PRKAG2: variants seen among roughly 807,000 people sequenced by gnomAD.
PRKAG2 encodes 5'-AMP-activated protein kinase subunit gamma-2.
In PRKAG2, 26 loss-of-function variants were observed where a neutral mutation model predicts 69.6. The ratio of observed to expected loss-of-function variants is 0.37; its 90% CI spans 0.27 to 0.52. The LOEUF is 0.52. Ranked by LOEUF, PRKAG2 falls within the 20% of genes least tolerant of loss-of-function variation. The pLI is 0.90. For missense variants in PRKAG2, 557 were observed against 740.0 expected (o/e 0.75, Z 2.87); for synonymous variants, 293 against 285.0 (o/e 1.03, Z -0.28).
rs1806560669 is a variant in PRKAG2, at chr7:151,567,618, AT to A, written c.1233+1097del. On this transcript the variant is annotated intron_variant, in intron 11 of 15. Coordinates refer to ENST00000287878, the MANE Select transcript of PRKAG2 (RefSeq NM_016203.4). This position sits in a 1 kb window ranked among gnomAD's most constrained non-coding sequence, Gnocchi z 4.2. Reference sequence around the variant, plus strand: ...GATAAACAATGCGGATGCATCCCTAATCCCTTTTTCCTAGATTATCGCCTTT... The same window carrying A: ...GATAAACAATGCGGATGCATCCCTAACCCTTTTTCCTAGATTATCGCCTTT... Among the ~76,000 whole-genome samples, 1 of 152,112 alleles carries A rather than the reference AT, an allele frequency of 6.6e-6. No homozygotes were observed. Among genetic ancestry groups the A allele is most frequent in the Non-Finnish European group, 1.5e-5 (1 of 68,020 alleles).
At chr7:151,659,816 G>A (rs1484020236) in intron 4 of PRKAG2, among the ~76,000 whole-genome samples, 1 of 152,248 alleles carries the variant, frequency 6.6e-6, no homozygotes, top group Non-Finnish European at 1.5e-5. Context: ...GCCTCTTGGA[G>A]GCTCCGCTAG....
rs2078586233 is a variant in PRKAG2 at position 151,814,658 on chromosome 7, G to A, written c.115-28117C>T. 1 of 1,231,834 alleles carries A rather than the reference G, an allele frequency of 8.1e-7. No individual in the cohort carries two copies. Among genetic ancestry groups the A allele is most frequent in the Non-Finnish European group, 1.0e-6 (1 of 988,016 alleles). The allele number at this position is 1,231,834 out of a possible 1,614,324, so 76.3% of individuals were successfully genotyped here. ...CCACTGCATGTCTGCAACAGATGGG[G>A]ACCGGGGCTGGGTGTGTTCCCAGTC... On this transcript the variant is annotated intron_variant, in intron 1 of 15. Coordinates refer to ENST00000287878, the MANE Select transcript of PRKAG2 (RefSeq NM_016203.4). The surrounding 1 kb of genome is among the most constrained non-coding windows in gnomAD (Gnocchi z 4.8).
At chr7:151,727,834 G>C (rs989961452) in intron 3 of PRKAG2, among the ~76,000 whole-genome samples, 1 of 152,182 alleles carries the variant, frequency 6.6e-6, no homozygotes, top group African/African-American at 2.4e-5. Flanking sequence ...ATTAGCTGAT[G>C]TGTCATCTCT....
At chr7:151,673,368 C>T (rs1832375806) in intron 4 of PRKAG2, among the ~76,000 whole-genome samples, 1 of 152,176 alleles carries the variant, frequency 6.6e-6, no homozygotes, top group Non-Finnish European at 1.5e-5. Context: ...CAGGCTCAGC[C>T]CAGCAGGTGA....
rs140426174 is a variant in PRKAG2, at chr7:151,592,180, G to A, written c.864+3165C>T. Among the ~76,000 whole-genome samples, 1,054 of 152,340 alleles carry A rather than the reference G, an allele frequency of 6.9e-3. 19 individuals are homozygous for A. Among genetic ancestry groups the A allele is most frequent in the African/African-American group, 0.024 (999 of 41,586 alleles). ...AGCTCCTTATGAGCCACTGACTGAT[G>A]GAGAAAAAGCTGGGCTTGGTTTACA... On this transcript the variant is annotated intron_variant, in intron 6 of 15. Transcript: ENST00000287878.
In PRKAG2 at chr7:151,845,041, C is replaced by G. The variant is rs75097174; in HGVS notation, c.114+31466G>C. 9.5e-3 allele frequency among the ~76,000 whole-genome samples: 1,426 copies of G among 150,414 alleles called. 22 individuals are homozygous for G. The highest frequency in any genetic ancestry group is 0.033 in the African/African-American group (1,313 of 39,826). The stretch of plus-strand genomic sequence containing the variant: ...GGGATGGCGGCAGGCAGCCTCCGCC[C>G]CGCACAAGGGTGCTGGGAGACATCT... On this transcript the variant is annotated intron_variant, in intron 1 of 15. Coordinates refer to ENST00000287878, the MANE Select transcript of PRKAG2 (RefSeq NM_016203.4).
rs2078558125 is a variant in PRKAG2, at chr7:151,814,019, G to A, written c.115-27478C>T. 6.6e-6 allele frequency among the ~76,000 whole-genome samples: 1 copy of A among 152,162 alleles called. No individual in the cohort carries two copies. The highest frequency in any genetic ancestry group is 2.4e-5 in the African/African-American group (1 of 41,446). Reference sequence around the variant, plus strand: ...TCGCTAAGATTTCAGCTCCAGTAAGGGAAGTTCAAGCCAGGGTGGGAAGGC... The same window carrying A: ...TCGCTAAGATTTCAGCTCCAGTAAGAGAAGTTCAAGCCAGGGTGGGAAGGC... On this transcript the variant is annotated intron_variant, in intron 1 of 15. Coordinates refer to ENST00000287878, the MANE Select transcript of PRKAG2 (RefSeq NM_016203.4). This position sits in a 1 kb window ranked among gnomAD's most constrained non-coding sequence, Gnocchi z 4.8.
chr7:151,558,957 A>C (rs1340107646), intron 15 of PRKAG2: 1 of 985,358 alleles, frequency 1.0e-6, no homozygotes, highest in Non-Finnish European at 1.2e-6. Flanking sequence ...CCAAAGAGAC[A>C]GACAAGAGCT....
intron 3 of PRKAG2, among the ~76,000 whole-genome samples, chr7:151,688,011 GGGA>G (rs144406628): frequency 7.1e-4 from 90 of 126,272 alleles, no homozygotes; most frequent in African/African-American, 1.0e-3. Flanking sequence ...TGGAAGGGGA[GGGA>G]GGAGGAGGAG....
At position 151,581,028 on chromosome 7, in the gene PRKAG2, G is replaced by A. The variant is rs531304036; in HGVS notation, c.865-4576C>T. On this transcript the variant is annotated intron_variant, in intron 6 of 15. Transcript: ENST00000287878. ...ATTTATCCTGATGTGATTATACAAT[G>A]TATGCCTGTATCAAAATATTTCATG... 3.9e-5 allele frequency among the ~76,000 whole-genome samples: 6 copies of A among 152,222 alleles called. No individual in the cohort carries two copies. The East Asian group carries it at 1.2e-3, about 29-fold the overall frequency.
chr7:151,783,598 G>A (rs960801152), intron 2 of PRKAG2, among the ~76,000 whole-genome samples: 2 of 151,988 alleles, frequency 1.3e-5, no homozygotes, highest in African/African-American at 4.8e-5. Context: ...TGGGAATCAG[G>A]ACAAATCCTG....
At chr7:151,868,632 T>C (rs967251824) in intron 1 of PRKAG2, among the ~76,000 whole-genome samples, 1 of 152,224 alleles carries the variant, frequency 6.6e-6, no homozygotes, top group African/African-American at 2.4e-5. Flanking sequence ...CAGCTGGTGC[T>C]TCATCGGTGA....
chr7:151,676,753 A>G (rs1563404899), intron 3 of PRKAG2, among the ~76,000 whole-genome samples: 2 of 152,214 alleles, frequency 1.3e-5, no homozygotes, highest in African/African-American at 2.4e-5. Context: ...ATTTGGAAAC[A>G]GGGTCTTTTC....
chr7:151,794,653 G>C (rs2077411365), intron 1 of PRKAG2, among the ~76,000 whole-genome samples: 1 of 152,252 alleles, frequency 6.6e-6, no homozygotes, highest in African/African-American at 2.4e-5. Context: ...ACTCAACCAA[G>C]GCCTGAGATC....
chr7:151,726,371 GACACAC>G (rs60238080), intron 3 of PRKAG2, among the ~76,000 whole-genome samples: 10 of 148,282 alleles, frequency 6.7e-5, no homozygotes, highest in African/African-American at 1.5e-4. Flanking sequence ...AGGGAGGCAG[GACACAC>G]ACACACACAC....
chr7:151,868,954 T>A (rs1360948039), intron 1 of PRKAG2, among the ~76,000 whole-genome samples: 1 of 152,200 alleles, frequency 6.6e-6, no homozygotes, highest in African/African-American at 2.4e-5. Flanking sequence ...GTAAGCGAAG[T>A]CTGAGTAGAT....
At chr7:151,610,461 G>A (rs146610890) in intron 5 of PRKAG2, among the ~76,000 whole-genome samples, 38 of 152,052 alleles carry the variant, frequency 2.5e-4, no homozygotes, top group African/African-American at 9.2e-4. Context: ...GGCGGATCAC[G>A]AGGTCAAAAG....
At chr7:151,572,575 GAA>G in intron 9 of PRKAG2, 87 bp downstream of exon 9, 1 of 955,772 alleles carries the variant, frequency 1.0e-6, no homozygotes, top group Admixed American at 2.0e-5. Flanking sequence ...GGAGCAGAGA[GAA>G]AAGGATCTGC....
chr7:151,694,937 T>C (rs1836347617), intron 3 of PRKAG2, among the ~76,000 whole-genome samples: 1 of 152,228 alleles, frequency 6.6e-6, no homozygotes, highest in South Asian at 2.1e-4. Context: ...TCAGAATCTG[T>C]CAGCCTGTGC....
Sources: gnomAD v4.1 joint callset for allele counts (sites outside exome capture counted in the v4.1 genomes callset) on GRCh38, gnomAD v4.1.1 for gene constraint, Gnocchi (gnomAD v3.1) non-coding constraint, MANE v1.5 for transcripts, NCBI Gene and HGNC (gene_info 2026-07-23, HGNC 2026-07-21) for gene names.